Variants in KIAA1217 observed in about 807,000 individuals in gnomAD.
KIAA1217 encodes sickle tail protein homolog.
In KIAA1217, 88 loss-of-function variants were observed where a neutral mutation model predicts 163.9. The ratio of observed to expected loss-of-function variants is 0.54; its 90% CI spans 0.45 to 0.64. The LOEUF (loss-of-function observed/expected upper bound fraction) is 0.64, where lower values mean the gene tolerates loss of function less well. Ranked by LOEUF, KIAA1217 falls within the 30% of genes least tolerant of loss-of-function variation. The pLI is 0.00. For missense variants in KIAA1217, 2,372 were observed against 2,475.0 expected (o/e 0.96, Z 0.88); for synonymous variants, 903 against 923.1 (o/e 0.98, Z 0.39).
At chr10:23,889,317 G>A (rs773989789) in intron 1 of KIAA1217, among the ~76,000 whole-genome samples, 1 of 151,812 alleles carries the variant, frequency 6.6e-6, no homozygotes, top group Non-Finnish European at 1.5e-5. Flanking sequence ...GGTTGGGATT[G>A]TCATTTATTT....
At chr10:24,426,705 A>T (rs1294969481) in intron 3 of KIAA1217, among the ~76,000 whole-genome samples, 1 of 152,170 alleles carries the variant, frequency 6.6e-6, no homozygotes, top group Non-Finnish European at 1.5e-5. Flanking sequence ...TTCATTCCTG[A>T]TGAGGAAATG....
At chr10:23,789,676 C>T (rs1436936303) in intron 1 of KIAA1217, among the ~76,000 whole-genome samples, 4 of 151,938 alleles carry the variant, frequency 2.6e-5, no homozygotes, top group Non-Finnish European at 5.9e-5. Context: ...GCTTTTCAGA[C>T]TGTACCTGAT....
At chr10:23,753,019 T>C (rs1317191190) in intron 1 of KIAA1217, among the ~76,000 whole-genome samples, 1 of 152,220 alleles carries the variant, frequency 6.6e-6, no homozygotes, top group Admixed American at 6.5e-5. Flanking sequence ...GGATTTGAGA[T>C]CATGGGTTTT....
Position 24,524,378 on chromosome 10 carries a change from A to G in KIAA1217, c.2512A>G (p.Met838Val), listed in dbSNP as rs1328744022. Residue 838 changes from methionine (M) to valine (V), a missense_variant, in exon 13 of 21, where the codon ATG becomes GTG. Met to Val is a conservative substitution (Grantham distance 21). Coordinates refer to ENST00000376454, the MANE Select transcript of KIAA1217 (RefSeq NM_019590.5). Reference protein sequence around the residue: ...GTDAAQAAQYMAMEKATAAEV... With the variant: ...GTDAAQAAQYVAMEKATAAEV... The stretch of plus-strand genomic sequence containing the variant: ...GGACGCAGCCCAAGCCGCACAGTAC[A>G]TGGCTATGGAAAAGGCCACAGCCGC... 11 of 1,614,208 alleles carry G rather than the reference A, an allele frequency of 6.8e-6. No homozygotes were observed. Among genetic ancestry groups the G allele is most frequent in the Non-Finnish European group, 9.3e-6 (11 of 1,180,032 alleles).
intron 1 of KIAA1217, among the ~76,000 whole-genome samples, chr10:23,714,242 A>T (rs559352938): frequency 6.8e-6 from 1 of 147,198 alleles, no homozygotes; most frequent in South Asian, 2.1e-4. Flanking sequence ...AACTATTGCA[A>T]TAACTTGCTT....
chr10:24,363,386 G>A (rs528060317), intron 2 of KIAA1217, among the ~76,000 whole-genome samples: 1 of 152,198 alleles, frequency 6.6e-6, no homozygotes, highest in African/African-American at 2.4e-5. Flanking sequence ...CAACAACAAT[G>A]TCTGAAGTTT....
intron 2 of KIAA1217, among the ~76,000 whole-genome samples, chr10:24,278,870 T>TTC (rs1554790307): frequency 1.3e-5 from 2 of 149,694 alleles, no homozygotes; most frequent in African/African-American, 5.0e-5. Context: ...TTTTTTTTTT[T>TTC]CTTGGAGACA....
intron 2 of KIAA1217, among the ~76,000 whole-genome samples, chr10:24,350,253 C>A (rs1431031063): frequency 1.3e-5 from 2 of 152,112 alleles, no homozygotes; most frequent in Non-Finnish European, 2.9e-5. Context: ...GACCTGGCTC[C>A]CCAACAATTA....
At chr10:23,944,930 G>A (rs1843945251) in intron 1 of KIAA1217, among the ~76,000 whole-genome samples, 2 of 151,966 alleles carry the variant, frequency 1.3e-5, no homozygotes, top group African/African-American at 4.8e-5. Flanking sequence ...GTGGTGGTGT[G>A]TGCCTGTAAT....
intron 2 of KIAA1217, among the ~76,000 whole-genome samples, chr10:24,293,425 C>G (rs1448236483): frequency 6.6e-6 from 1 of 152,174 alleles, no homozygotes; most frequent in African/African-American, 2.4e-5. Flanking sequence ...CTTGCTGCCT[C>G]TGCAGGCACT....
At chr10:24,368,721 A>T in intron 2 of KIAA1217, 1 of 277,932 alleles carries the variant, frequency 3.6e-6, no homozygotes, top group Non-Finnish European at 5.4e-6. Flanking sequence ...TGGTGGATCC[A>T]TTAAAGGTTT....
At chr10:24,160,991 A>G (rs2065092282) in intron 2 of KIAA1217, among the ~76,000 whole-genome samples, 1 of 152,190 alleles carries the variant, frequency 6.6e-6, no homozygotes, top group Non-Finnish European at 1.5e-5. Flanking sequence ...TTCTATTTGT[A>G]CTTTCTGTGA....
intron 1 of KIAA1217, among the ~76,000 whole-genome samples, chr10:23,798,025 T>G (rs1836290281): frequency 6.6e-6 from 1 of 152,158 alleles, no homozygotes; most frequent in Non-Finnish European, 1.5e-5. Flanking sequence ...TAGTCACAAG[T>G]TCAATGGGGT....
chr10:24,348,879 G>A (rs1328787228), intron 2 of KIAA1217, among the ~76,000 whole-genome samples: 2 of 152,170 alleles, frequency 1.3e-5, no homozygotes, highest in Non-Finnish European at 1.5e-5. Flanking sequence ...GGGCACAGTG[G>A]CTCCTGACTA....
chr10:24,290,756 C>T (rs774962105), intron 2 of KIAA1217, among the ~76,000 whole-genome samples: 10 of 152,000 alleles, frequency 6.6e-5, no homozygotes, highest in Non-Finnish European at 1.2e-4. Flanking sequence ...GTGCCCACCA[C>T]CATGCCTGGC....
At chr10:24,429,908 C>T (rs895567561) in intron 3 of KIAA1217, among the ~76,000 whole-genome samples, 3 of 151,964 alleles carry the variant, frequency 2.0e-5, no homozygotes, top group East Asian at 1.9e-4. Flanking sequence ...TTTGGGAGTC[C>T]GAGGTGGTCA....
intron 2 of KIAA1217, among the ~76,000 whole-genome samples, chr10:24,254,636 A>G (rs1296196946): frequency 6.6e-6 from 1 of 152,208 alleles, no homozygotes; most frequent in Non-Finnish European, 1.5e-5. Flanking sequence ...GCACATTCAC[A>G]TGACTGCACT....
chr10:24,012,715 T>C (rs983778274), intron 2 of KIAA1217, among the ~76,000 whole-genome samples: 1 of 152,192 alleles, frequency 6.6e-6, no homozygotes, highest in Admixed American at 6.6e-5. Context: ...ATGCCTATTA[T>C]AGTGAACTGT....
chr10:23,866,081 A>G (rs1387420299), intron 1 of KIAA1217, among the ~76,000 whole-genome samples: 3 of 152,158 alleles, frequency 2.0e-5, no homozygotes, highest in African/African-American at 7.2e-5. Flanking sequence ...TTCCATACAA[A>G]CATCAAATTA....
Sources: allele counts gnomAD v4.1 joint callset (sites outside exome capture counted in the v4.1 genomes callset), GRCh38; gene constraint gnomAD v4.1.1; transcripts MANE v1.5; gene names NCBI Gene and HGNC (gene_info 2026-07-23, HGNC 2026-07-21).